CATSPERT: variants seen among roughly 807,000 people sequenced by gnomAD.
CATSPERT encodes catsper channel auxiliary subunit tau.
At chr2:201,618,886 C>T in the CATSPERT span, 941 of 1,612,684 alleles carry the variant, frequency 5.8e-4, 7 homozygotes, top group African/African-American at 0.011. Flanking sequence ...CCGGCCAGGC[C>T]CCCGCTCACT....
At chr2:201,488,138 T>C in the CATSPERT span, among the ~76,000 whole-genome samples, 3 of 152,212 alleles carry the variant, frequency 2.0e-5, no homozygotes, top group Non-Finnish European at 4.4e-5. Context: ...CTAGATACTA[T>C]GCTAGCAACC....
the CATSPERT span, among the ~76,000 whole-genome samples, chr2:201,583,625 A>G: frequency 5.9e-5 from 9 of 152,228 alleles, no homozygotes; most frequent in Admixed American, 5.9e-4. Flanking sequence ...CCAAACTGGT[A>G]GTGGGCTCGG....
chr2:201,603,569 T>C, the CATSPERT span, among the ~76,000 whole-genome samples: 259 of 152,298 alleles, frequency 1.7e-3, 1 homozygote, highest in African/African-American at 5.8e-3. Flanking sequence ...CTTTAAATTG[T>C]TTTTATTTGA....
chr2:201,544,763 T>C, the CATSPERT span, among the ~76,000 whole-genome samples: 3 of 150,828 alleles, frequency 2.0e-5, no homozygotes, highest in Admixed American at 6.6e-5. Flanking sequence ...GGCAGGAGGA[T>C]TGCTTGAGCT....
the CATSPERT span, among the ~76,000 whole-genome samples, chr2:201,578,939 A>G: frequency 1.3e-5 from 2 of 152,076 alleles, no homozygotes; most frequent in African/African-American, 4.8e-5. Flanking sequence ...ATTACTCCAT[A>G]TGTTTATCCT....
At chr2:201,511,225 A>G in the CATSPERT span, among the ~76,000 whole-genome samples, 1 of 152,202 alleles carries the variant, frequency 6.6e-6, no homozygotes, top group African/African-American at 2.4e-5. Flanking sequence ...ATCTGGCAGT[A>G]TCAAAATAAA....
chr2:201,540,183 G>C, the CATSPERT span, among the ~76,000 whole-genome samples: 2 of 152,178 alleles, frequency 1.3e-5, no homozygotes, highest in African/African-American at 4.8e-5. Context: ...GAGGTTTAAG[G>C]AAAGACAGTA....
At chr2:201,494,294 G>T in the CATSPERT span, 5 of 1,536,964 alleles carry the variant, frequency 3.3e-6, no homozygotes, top group African/African-American at 2.7e-5. Flanking sequence ...AGGTCTTGCA[G>T]ATTTTCACTT....
At chr2:201,573,888 C>T in the CATSPERT span, among the ~76,000 whole-genome samples, 3 of 152,158 alleles carry the variant, frequency 2.0e-5, no homozygotes, top group Non-Finnish European at 4.4e-5. Flanking sequence ...AACTCCCAGC[C>T]TCAGGTGATT....
At chr2:201,489,647 A>C in the CATSPERT span, among the ~76,000 whole-genome samples, 2 of 152,306 alleles carry the variant, frequency 1.3e-5, no homozygotes, top group East Asian at 1.9e-4. Context: ...AGATTTTCTC[A>C]AAGGTAGAAT....
chr2:201,614,062 A>G, the CATSPERT span, among the ~76,000 whole-genome samples: 4 of 152,256 alleles, frequency 2.6e-5, no homozygotes, highest in Admixed American at 2.0e-4. Context: ...GACTACGTGA[A>G]AAGACCAAAT....
At chr2:201,585,417 A>G in the CATSPERT span, among the ~76,000 whole-genome samples, 1 of 152,016 alleles carries the variant, frequency 6.6e-6, no homozygotes, top group Non-Finnish European at 1.5e-5. Context: ...GAAAAAAAAA[A>G]AAAAAGACCA....
At chr2:201,581,506 ATATATATATATATATAT>A in the CATSPERT span, among the ~76,000 whole-genome samples, 13 of 102,142 alleles carry the variant, frequency 1.3e-4, no homozygotes, top group African/African-American at 5.3e-4. Flanking sequence ...ATATATATAT[ATATATATATATATATAT>A]AAAATATTCT....
At chr2:201,601,503 TA>T in the CATSPERT span, among the ~76,000 whole-genome samples, 23 of 152,174 alleles carry the variant, frequency 1.5e-4, no homozygotes, top group East Asian at 4.4e-3. Flanking sequence ...CCACAGACAG[TA>T]ACATCTCAGG....
At chr2:201,601,605 G>T in the CATSPERT span, 1 of 798,362 alleles carries the variant, frequency 1.3e-6, no homozygotes, top group Non-Finnish European at 1.9e-6. Context: ...ATAGAATACT[G>T]TAAGATACCA....
the CATSPERT span, among the ~76,000 whole-genome samples, chr2:201,521,134 G>A: frequency 6.6e-6 from 1 of 151,922 alleles, no homozygotes; most frequent in African/African-American, 2.4e-5. Flanking sequence ...GAAAAGTCCA[G>A]GACCAAATTG....
chr2:201,507,550 T>C, the CATSPERT span, among the ~76,000 whole-genome samples: 4 of 152,206 alleles, frequency 2.6e-5, no homozygotes, highest in Admixed American at 2.6e-4. Context: ...CCTGCCAATA[T>C]TAAATGAATT....
the CATSPERT span, among the ~76,000 whole-genome samples, chr2:201,541,581 A>G: frequency 7.5e-6 from 1 of 133,998 alleles, no homozygotes; most frequent in Non-Finnish European, 1.6e-5. Flanking sequence ...ATATATATAA[A>G]ATTTACAAAA....
the CATSPERT span, chr2:201,495,878 A>G: frequency 2.7e-6 from 4 of 1,500,712 alleles, no homozygotes; most frequent in African/African-American, 2.8e-5. Context: ...ACTGGGATAG[A>G]ATAATTCAGG....
Sources: allele counts gnomAD v4.1 joint callset (sites outside exome capture counted in the v4.1 genomes callset), GRCh38; gene constraint gnomAD v4.1.1; transcripts MANE v1.5; gene names NCBI Gene and HGNC (gene_info 2026-07-23, HGNC 2026-07-21).